Variants in MYH11 observed in about 807,000 individuals in gnomAD.
The protein encoded by MYH11 is myosin-11.
A neutral mutation model predicts 246.6 loss-of-function variants in MYH11; 80 were observed. The observed-to-expected ratio is 0.32, with a 90% CI of 0.27 to 0.39. The LOEUF (loss-of-function observed/expected upper bound fraction) is 0.39, where lower values mean the gene tolerates loss of function less well. Ranked by LOEUF, MYH11 falls within the 10% of genes least tolerant of loss-of-function variation. The pLI, the probability that MYH11 is intolerant of heterozygous loss-of-function variation, is 1.00. For synonymous variants in MYH11, 1,071 were observed against 1,015.5 expected (o/e 1.05, Z -1.04); for missense variants, 2,158 against 2,546.8 (o/e 0.85, Z 3.29).
At chr16:15,799,013 T>C (rs1002673749) in intron 3 of MYH11, among the ~76,000 whole-genome samples, 1 of 152,220 alleles carries the variant, frequency 6.6e-6, no homozygotes, top group African/African-American at 2.4e-5. Flanking sequence ...CAAACGCAGA[T>C]GTTGGATCTA....
chr16:15,833,520 T>C (rs1254610071), intron 2 of MYH11, among the ~76,000 whole-genome samples: 1 of 152,034 alleles, frequency 6.6e-6, no homozygotes, highest in East Asian at 1.9e-4. Context: ...CCCCGCCAGG[T>C]ATGCCACAAA....
At chr16:15,711,700 A>AT (rs566889735) in intron 40 of MYH11, among the ~76,000 whole-genome samples, 41 of 150,000 alleles carry the variant, frequency 2.7e-4, no homozygotes, top group South Asian at 1.5e-3. Context: ...GACACTGGAG[A>AT]TTTTTTTTTT....
chr16:15,718,608 G>A (rs1596710586), intron 36 of MYH11, 170 bp from the exon 37 acceptor site: 2 of 1,053,902 alleles, frequency 1.9e-6, no homozygotes, highest in East Asian at 5.2e-5. Flanking sequence ...GAAGTGGACA[G>A]CCGGGACTCA....
chr16:15,777,077 G>C (rs755832583), intron 7 of MYH11, among the ~76,000 whole-genome samples: 3 of 149,886 alleles, frequency 2.0e-5, no homozygotes, highest in Non-Finnish European at 4.4e-5. Context: ...CTTTCTCATG[G>C]TGTACATGGG....
chr16:15,727,172 A>G, intron 27 of MYH11, 118 bp from the exon 28 acceptor site: 2 of 841,918 alleles, frequency 2.4e-6, no homozygotes, highest in Non-Finnish European at 4.0e-6. Context: ...GGGGCACACA[A>G]TCACCAGTAA....
chr16:15,771,569 A>G lies in MYH11; in HGVS notation c.1033T>C (p.Ser345Pro), dbSNP rs2042101394. 2 of 1,613,378 alleles carry G rather than the reference A, an allele frequency of 1.2e-6. No individual in the cohort carries two copies. The highest frequency in any genetic ancestry group is 1.1e-5 in the South Asian group (1 of 91,068). ...TCCAGACTCAAGGTGTGAGGCTTAC[A>G]TAGCTGCTCCTCCTCGCTGAAACCC... ...IMGFSEEEQL[S>P]ILKVVSSVLQ... Residue 345 changes from serine to proline, a missense_variant and splice_region_variant, in exon 9 of 41, where the codon TCC becomes CCC. Physicochemically the swap from Ser to Pro is moderately conservative, Grantham distance 74 (BLOSUM62 -1). Coordinates refer to ENST00000300036, the MANE Select transcript of MYH11 (RefSeq NM_002474.3).
chr16:15,804,478 C>T (rs910329920), intron 3 of MYH11, among the ~76,000 whole-genome samples: 3 of 151,998 alleles, frequency 2.0e-5, no homozygotes, highest in African/African-American at 4.8e-5. Flanking sequence ...GCTGAGATCG[C>T]GCCACTGCAC....
In MYH11 at chr16:15,724,640, C is replaced by T; in HGVS notation, c.4116+7G>A. The T allele has an allele frequency of 1.9e-6, 3 of 1,613,966 alleles. No individual in the cohort carries two copies. Among genetic ancestry groups the T allele is most frequent in the Non-Finnish European group, 2.5e-6 (3 of 1,180,036 alleles). ...CCATGAAGGAAGCAAGGACACGGGG[C>T]AGGCACCTGGATGTTGAGAGTGGAG... is the stretch of plus-strand genomic sequence containing the variant. On this transcript the variant is annotated splice_region_variant and intron_variant, in intron 30 of 40. Transcript: ENST00000300036.
chr16:15,852,123 C>T (rs1049265772), intron 1 of MYH11, among the ~76,000 whole-genome samples: 14 of 152,096 alleles, frequency 9.2e-5, no homozygotes, highest in African/African-American at 3.4e-4. Flanking sequence ...AGCACAAACC[C>T]TATTGCCAAC....
intron 6 of MYH11, 115 bp downstream of exon 6, chr16:15,782,270 C>T (rs2042373240): frequency 2.4e-6 from 2 of 832,320 alleles, no homozygotes; most frequent in African/African-American, 1.7e-5. Context: ...TGAGATACAG[C>T]CCATCTCTCC....
Position 15,776,194 on chromosome 16 carries a change from AGGGATTCT to A in MYH11, c.791-26_791-19del. 1 of 1,582,254 alleles carries A rather than the reference AGGGATTCT, an allele frequency of 6.3e-7. No homozygotes were observed. The highest frequency in any genetic ancestry group is 8.7e-7 in the Non-Finnish European group (1 of 1,150,888). ...TAGCAGATCTGGTTTGGAGGGAGTT[AGGGATTCT>A]GGGGATACTGCGGGTGTTCCTCTGG... On this transcript the variant is annotated intron_variant, in intron 7 of 40. Coordinates refer to ENST00000300036, the MANE Select transcript of MYH11 (RefSeq NM_002474.3).
At position 15,759,714 on chromosome 16, in the gene MYH11, T is replaced by C. The variant is rs756510267; in HGVS notation, c.1263A>G (p.Val421=). ...CATATGTTGCCTTGGCCAAAGCCTC[T>C]ACAGCAAAGTCAGCCTGCAGAGGGC... The part of the protein sequence containing the change: ...AQTKEQADFA[V]EALAKATYER... The change falls in exon 12 of 41, where the codon GTA becomes GTG. Residue 421 remains valine, a synonymous_variant. Transcript: ENST00000300036. 2 of 1,614,204 alleles carry C rather than the reference T, an allele frequency of 1.2e-6. No homozygotes were observed. Among genetic ancestry groups the C allele is most frequent in the Non-Finnish European group, 1.7e-6 (2 of 1,180,040 alleles).
At position 15,715,182 on chromosome 16, in the gene MYH11, G is replaced by C; in HGVS notation, c.5595C>G (p.Ala1865=). 5.0e-6 allele frequency: 8 copies of C among 1,613,860 alleles called. No homozygotes were observed. The highest frequency in any genetic ancestry group is 6.8e-6 in the Non-Finnish European group (8 of 1,180,020). The change falls in exon 39 of 41, where the codon GCC becomes GCG. Residue 1865 remains alanine (A), a synonymous_variant. Transcript: ENST00000300036. The part of the protein sequence containing the change: ...LLQVEDERKM[A]EQYKEQAEKG... ...GGGCTACCTGCTCCTTGTACTGCTC[G>C]GCCATCTTGCGCTCGTCCTCCACCT...
At chr16:15,800,823 C>G (rs1056500900) in intron 3 of MYH11, among the ~76,000 whole-genome samples, 1 of 151,954 alleles carries the variant, frequency 6.6e-6, no homozygotes, top group African/African-American at 2.4e-5. Context: ...GTTTGGGTGG[C>G]CTGGTTGAAC....
intron 8 of MYH11, chr16:15,775,831 T>G: frequency 1.2e-5 from 7 of 576,406 alleles, no homozygotes; most frequent in Non-Finnish European, 1.2e-5. Context: ...GAATCATTAA[T>G]GATCTAATGT....
chr16:15,803,631 C>T (rs375575171), intron 3 of MYH11, among the ~76,000 whole-genome samples: 2 of 152,142 alleles, frequency 1.3e-5, no homozygotes, highest in African/African-American at 4.8e-5. Flanking sequence ...CTCCTGGGAC[C>T]GGCCCAGACA....
At chr16:15,822,537 A>G (rs2043441636) in intron 3 of MYH11, among the ~76,000 whole-genome samples, 1 of 151,950 alleles carries the variant, frequency 6.6e-6, no homozygotes, top group Non-Finnish European at 1.5e-5. Flanking sequence ...CAAAACAAAA[A>G]CAAAACAAAA....
intron 8 of MYH11, among the ~76,000 whole-genome samples, chr16:15,775,163 G>A (rs935506726): frequency 6.6e-6 from 1 of 152,180 alleles, no homozygotes. Flanking sequence ...ATATTTTTAA[G>A]AGTTAGTAAA....
intron 40 of MYH11, among the ~76,000 whole-genome samples, chr16:15,712,124 G>A (rs2039836040): frequency 6.6e-6 from 1 of 152,216 alleles, no homozygotes; most frequent in African/African-American, 2.4e-5. Flanking sequence ...CATTTTAGCT[G>A]CTGAGCTGGA....
Sources: gnomAD v4.1 joint callset for allele counts (sites outside exome capture counted in the v4.1 genomes callset) on GRCh38, gnomAD v4.1.1 for gene constraint, MANE v1.5 for transcripts, NCBI Gene and HGNC (gene_info 2026-07-23, HGNC 2026-07-21) for gene names.